The following TACR3 variants were observed in gnomAD, a reference collection of about 807,000 sequenced individuals.
TACR3 encodes neuromedin-K receptor.
TACR3 carries 34 observed loss-of-function variants against 35.0 expected under a neutral mutation model. The ratio of observed to expected loss-of-function variants is 0.97; its 90% confidence interval spans 0.74 to 1.30. TACR3 has a LOEUF of 1.30. Among genes scored for constraint, TACR3 ranks in the 50% most tolerant of loss-of-function variants. The pLI, the probability that TACR3 is intolerant of heterozygous loss-of-function variation, is 0.00. For missense variants in TACR3, 558 were observed against 591.7 expected, an observed-to-expected ratio of 0.94 and a Z score of 0.59; for synonymous variants, 233 against 221.1, an observed-to-expected ratio of 1.05 and a Z score of -0.48.
At chr4:103,622,194 G>T (rs928838880) in intron 3 of TACR3, among the ~76,000 whole-genome samples, 1 of 152,178 alleles carries the variant, frequency 6.6e-6, no homozygotes, top group African/African-American at 2.4e-5. Flanking sequence ...ACTTTGGCAA[G>T]GGTGGTTTCA....
chr4:103,663,889 C>T (rs1212081904), intron 1 of TACR3, among the ~76,000 whole-genome samples: 1 of 152,198 alleles, frequency 6.6e-6, no homozygotes, highest in Non-Finnish European at 1.5e-5. Context: ...TATAATTTCA[C>T]CCAAATAATT....
At chr4:103,702,669 G>A (rs551745375) in intron 1 of TACR3, among the ~76,000 whole-genome samples, 51 of 151,898 alleles carry the variant, frequency 3.4e-4, no homozygotes, top group Non-Finnish European at 6.5e-4. Flanking sequence ...AAACAATGAT[G>A]GACTGGATTA....
chr4:103,597,786 C>T lies in TACR3; in HGVS notation c.889-6103G>A, dbSNP rs376036162. ...GTCCCTACAAAGGACATGAACTCAT[C>T]ATAATTTATGGCTGCATAGTATTCC... On this transcript the variant is annotated intron_variant, in intron 3 of 4. Transcript: ENST00000304883. Among the ~76,000 whole-genome samples the T allele has an allele frequency of 6.6e-5, 10 of 152,280 alleles. No individual in the cohort carries two copies. The East Asian group carries it at 1.3e-3, about 21-fold the overall frequency.
chr4:103,623,151 T>C (rs1460948255), intron 3 of TACR3, among the ~76,000 whole-genome samples: 1 of 152,094 alleles, frequency 6.6e-6, no homozygotes, highest in Non-Finnish European at 1.5e-5. Context: ...ATTTTAAATA[T>C]TGTATTATTT....
intron 3 of TACR3, among the ~76,000 whole-genome samples, chr4:103,628,874 A>G (rs1018642649): frequency 7.9e-5 from 12 of 152,114 alleles, no homozygotes; most frequent in African/African-American, 2.7e-4. Context: ...GATGAACATC[A>G]ATGCAAAAAT....
At position 103,674,157 on chromosome 4, in the gene TACR3, T is replaced by TTG. The variant is rs1726115237; in HGVS notation, c.549-15755_549-15754insCA. On this transcript the variant is annotated intron_variant, in intron 1 of 4. Coordinates refer to ENST00000304883, the MANE Select transcript of TACR3 (RefSeq NM_001059.3). ...AGGCAGAACACTTGGAAGCTTTAGT[T>TTG]AAATATATGAAAGGCTGTAGTGAGG... is the stretch of plus-strand genomic sequence containing the variant. Among the ~76,000 whole-genome samples, 7 of 152,254 alleles carry TTG rather than the reference T, an allele frequency of 4.6e-5. No individual in the cohort carries two copies. The South Asian group carries it at 1.5e-3, about 32-fold the overall frequency.
intron 1 of TACR3, among the ~76,000 whole-genome samples, chr4:103,715,814 A>G (rs922705981): frequency 2.0e-5 from 3 of 152,216 alleles, no homozygotes; most frequent in Non-Finnish European, 2.9e-5. Flanking sequence ...AATGGAAATC[A>G]AAATATTTGT....
intron 3 of TACR3, among the ~76,000 whole-genome samples, chr4:103,627,062 G>T (rs1481733259): frequency 6.8e-6 from 1 of 147,718 alleles, no homozygotes; most frequent in African/African-American, 2.5e-5. Context: ...GGCACCTGTA[G>T]TCCCAGCTCC....
chr4:103,630,160 C>T (rs1386720481), intron 3 of TACR3, among the ~76,000 whole-genome samples: 5 of 152,162 alleles, frequency 3.3e-5, no homozygotes, highest in Admixed American at 3.3e-4. Context: ...AACTGGATCC[C>T]TTCCTTACAC....
At chr4:103,664,766 G>C (rs867846349) in intron 1 of TACR3, among the ~76,000 whole-genome samples, 2 of 152,026 alleles carry the variant, frequency 1.3e-5, no homozygotes, top group South Asian at 4.2e-4. Context: ...GCATTTTCTA[G>C]ATACATTTTA....
Position 103,663,609 on chromosome 4 carries a change from G to A in TACR3, c.549-5206C>T, listed in dbSNP as rs542753317. On this transcript the variant is annotated intron_variant, in intron 1 of 4. Transcript: ENST00000304883. The stretch of plus-strand genomic sequence containing the variant: ...CTTAGATTAGGGCATTACCACTGGA[G>A]GTTGAATTAAGTGAATGATTTGAGG... Among the ~76,000 whole-genome samples the A allele has an allele frequency of 2.0e-5, 3 of 152,306 alleles. No individual in the cohort carries two copies. The East Asian group carries it at 5.8e-4, about 29-fold the overall frequency.
rs199915379 is a variant in TACR3 at position 103,658,346 on chromosome 4, A to G, written c.606T>C (p.Ile202=). The G allele has an allele frequency of 1.9e-6, 3 of 1,613,938 alleles. No homozygotes were observed. The Admixed American group carries it at 5.0e-5, about 27-fold the overall frequency. The change falls in exon 2 of 5, where the codon ATT becomes ATC. Residue 202 remains isoleucine, a synonymous_variant. Transcript: ENST00000304883. ...KPRLSATATK[I]VIGSIWILAF... ...CTAGAATCCAAATACTTCCAATGACAATCTTGGTTGCTGTAGCAGACAGTC... is the reference window on the plus strand; with the variant it reads ...CTAGAATCCAAATACTTCCAATGACGATCTTGGTTGCTGTAGCAGACAGTC...
intron 3 of TACR3, among the ~76,000 whole-genome samples, chr4:103,604,485 G>T (rs180748015): frequency 1.4e-3 from 208 of 152,224 alleles, no homozygotes; most frequent in African/African-American, 4.7e-3. Flanking sequence ...CATGAGAAAA[G>T]ACTTCATGAT....
chr4:103,688,445 A>G (rs1290475295), intron 1 of TACR3, among the ~76,000 whole-genome samples: 6 of 151,408 alleles, frequency 4.0e-5, no homozygotes, highest in African/African-American at 1.2e-4. Flanking sequence ...AGAAACTACC[A>G]TCAGAGTGAA....
intron 3 of TACR3, among the ~76,000 whole-genome samples, chr4:103,650,820 TA>T (rs1560822205): frequency 0.081 from 3,725 of 45,726 alleles, 1,330 homozygotes; most frequent in African/African-American, 0.17. Context: ...TAATATATTA[TA>T]TAATAATATA....
At chr4:103,617,844 C>T (rs988663040) in intron 3 of TACR3, among the ~76,000 whole-genome samples, 1 of 151,862 alleles carries the variant, frequency 6.6e-6, no homozygotes, top group Non-Finnish European at 1.5e-5. Flanking sequence ...TAAGTAATGA[C>T]TTAAATAGAG....
chr4:103,678,793 CTTTT>C (rs199845821), intron 1 of TACR3, among the ~76,000 whole-genome samples: 1 of 142,586 alleles, frequency 7.0e-6, no homozygotes. Context: ...AAGGTAGTTG[CTTTT>C]TTTTTTTTTA....
rs1167620857 is a variant in TACR3, at chr4:103,690,290, G to T, written c.548+28838C>A. 2.0e-5 allele frequency among the ~76,000 whole-genome samples: 3 copies of T among 152,028 alleles called. No homozygotes were observed. In the East Asian group the frequency reaches 5.8e-4, roughly 29 times the overall value. On this transcript the variant is annotated intron_variant, in intron 1 of 4. Coordinates refer to ENST00000304883, the MANE Select transcript of TACR3 (RefSeq NM_001059.3). ...ATGTGGAATGTAAAACAACAGAAAA[G>T]CTTTGAATGTAAAACACACCATGCA... is the stretch of plus-strand genomic sequence containing the variant.
intron 1 of TACR3, among the ~76,000 whole-genome samples, chr4:103,664,333 A>G (rs191439891): frequency 2.3e-3 from 356 of 152,306 alleles, no homozygotes; most frequent in Middle Eastern, 0.02. Flanking sequence ...TCAATAAGAA[A>G]GCCTTTCCAA....
Sources: gnomAD v4.1 joint callset for allele counts (sites outside exome capture counted in the v4.1 genomes callset) on GRCh38, gnomAD v4.1.1 for gene constraint, MANE v1.5 for transcripts, NCBI Gene and HGNC (gene_info 2026-07-23, HGNC 2026-07-21) for gene names.